Variants in CTNNA3 observed in about 807,000 individuals in gnomAD.
CTNNA3 encodes catenin alpha 3.
A neutral mutation model predicts 95.7 loss-of-function variants in CTNNA3; 76 were observed. The observed-to-expected ratio is 0.79, with a 90% CI of 0.66 to 0.96. The LOEUF is 0.96. Ranked by LOEUF, CTNNA3 falls within the 40% of genes least tolerant of loss-of-function variation. The probability of loss-of-function intolerance (pLI) is 0.00; values close to 1 mark genes in which losing one functional copy is unlikely to be tolerated. For missense variants in CTNNA3, 1,191 were observed against 1,089.8 expected (o/e 1.09, Z -1.31); for synonymous variants, 431 against 374.4 (o/e 1.15, Z -1.74).
chr10:66,482,809 C>T (rs1298694495), intron 11 of CTNNA3, among the ~76,000 whole-genome samples: 1 of 152,122 alleles, frequency 6.6e-6, no homozygotes, highest in East Asian at 1.9e-4. Flanking sequence ...TATAAAAACA[C>T]AGCTCAGTTG....
intron 9 of CTNNA3, among the ~76,000 whole-genome samples, chr10:66,702,218 A>C (rs1384569541): frequency 6.6e-6 from 1 of 152,084 alleles, no homozygotes; most frequent in Non-Finnish European, 1.5e-5. Context: ...GTTGAACATC[A>C]GCAACAACCA....
intron 1 of CTNNA3, among the ~76,000 whole-genome samples, chr10:67,725,892 A>G (rs1190105098): frequency 7.1e-6 from 1 of 141,434 alleles, no homozygotes; most frequent in Non-Finnish European, 1.5e-5. Context: ...TGTCATATAT[A>G]TAATATATAT....
At chr10:66,940,963 T>C (rs1310402492) in intron 7 of CTNNA3, among the ~76,000 whole-genome samples, 2 of 152,158 alleles carry the variant, frequency 1.3e-5, no homozygotes, top group African/African-American at 4.8e-5. Context: ...AAAATGCAAC[T>C]GAGTTTGCTG....
intron 10 of CTNNA3, among the ~76,000 whole-genome samples, chr10:66,590,452 A>G (rs1843511341): frequency 6.6e-6 from 1 of 152,150 alleles, no homozygotes; most frequent in South Asian, 2.1e-4. Context: ...AATTCAGATT[A>G]TCCTACCATT....
intron 7 of CTNNA3, among the ~76,000 whole-genome samples, chr10:66,990,936 ATT>A (rs1564816667): frequency 6.6e-6 from 1 of 152,208 alleles, no homozygotes; most frequent in Non-Finnish European, 1.5e-5. Context: ...ACAAAGCATC[ATT>A]ATTCCTATGA....
chr10:67,097,994 G>C, intron 7 of CTNNA3: 1 of 579,072 alleles, frequency 1.7e-6, no homozygotes. Flanking sequence ...AATTAGCTAA[G>C]TTGTGCAGTA....
chr10:66,500,849 T>C (rs1840255950), intron 11 of CTNNA3, among the ~76,000 whole-genome samples: 1 of 152,268 alleles, frequency 6.6e-6, no homozygotes, highest in South Asian at 2.1e-4. Flanking sequence ...GATTGTAGGG[T>C]AGTTGGTCTG....
At chr10:67,675,777 T>TTA (rs1313694647) in intron 1 of CTNNA3, among the ~76,000 whole-genome samples, 2 of 152,136 alleles carry the variant, frequency 1.3e-5, no homozygotes, top group Non-Finnish European at 2.9e-5. Flanking sequence ...GCAATCCACT[T>TTA]TATATGGATG....
intron 5 of CTNNA3, among the ~76,000 whole-genome samples, chr10:67,449,685 A>G (rs1846893834): frequency 6.6e-6 from 1 of 152,122 alleles, no homozygotes; most frequent in Non-Finnish European, 1.5e-5. Context: ...ACTTAAATGT[A>G]AAATCCAAAA....
intron 7 of CTNNA3, among the ~76,000 whole-genome samples, chr10:66,932,412 G>C (rs1847454548): frequency 6.6e-6 from 1 of 152,088 alleles, no homozygotes; most frequent in Non-Finnish European, 1.5e-5. Context: ...TTCCAGACAT[G>C]GCAAGTAAGA....
intron 11 of CTNNA3, among the ~76,000 whole-genome samples, chr10:66,481,925 G>C (rs1391994333): frequency 6.6e-6 from 1 of 151,726 alleles, no homozygotes; most frequent in Non-Finnish European, 1.5e-5. Flanking sequence ...ATGTTAGAAA[G>C]ATATGAGGAT....
chr10:67,690,182 G>T (rs987297930), intron 1 of CTNNA3, among the ~76,000 whole-genome samples: 3 of 152,166 alleles, frequency 2.0e-5, no homozygotes, highest in African/African-American at 7.2e-5. Flanking sequence ...CACAGTGAGT[G>T]TTACGGCTCT....
chr10:67,756,585 C>T lies in CTNNA3; in HGVS notation c.-2+6849G>A, dbSNP rs1235433312. Reference sequence around the variant, plus strand: ...AAATGTGCTAAGAAAAAAATGGACACAAAAAGCCACATATTATATAATTCT... The same window carrying T: ...AAATGTGCTAAGAAAAAAATGGACATAAAAAGCCACATATTATATAATTCT... On this transcript the variant is annotated intron_variant, in intron 1 of 17. Transcript: ENST00000684154. Among the ~76,000 whole-genome samples the T allele has an allele frequency of 4.6e-5, 7 of 152,040 alleles. No homozygotes were observed. The South Asian group carries it at 1.5e-3, about 32-fold the overall frequency.
chr10:67,515,261 A>G (rs1197958709), intron 5 of CTNNA3, among the ~76,000 whole-genome samples: 1 of 152,220 alleles, frequency 6.6e-6, no homozygotes, highest in African/African-American at 2.4e-5. Flanking sequence ...AGTGAAAATG[A>G]TCAAATGGCT....
At chr10:67,138,807 C>T (rs1231807132) in intron 7 of CTNNA3, among the ~76,000 whole-genome samples, 1 of 152,136 alleles carries the variant, frequency 6.6e-6, no homozygotes. Context: ...CCACCAGCAT[C>T]CATGCATTTT....
intron 5 of CTNNA3, among the ~76,000 whole-genome samples, chr10:67,294,650 AGTT>A (rs1839965562): frequency 6.6e-6 from 1 of 152,198 alleles, no homozygotes; most frequent in Non-Finnish European, 1.5e-5. Flanking sequence ...CTGAGACAGG[AGTT>A]AAAAAGATTT....
intron 9 of CTNNA3, among the ~76,000 whole-genome samples, chr10:66,760,967 G>A (rs1242852354): frequency 6.6e-6 from 1 of 152,114 alleles, no homozygotes; most frequent in Non-Finnish European, 1.5e-5. Flanking sequence ...GTATGGGTTT[G>A]TTCTTTTTCT....
Position 66,619,409 on chromosome 10 carries a change from T to C in CTNNA3, c.1374+2283A>G, listed in dbSNP as rs542450821. 7.3e-3 allele frequency among the ~76,000 whole-genome samples: 940 copies of C among 129,562 alleles called. 49 individuals are homozygous for C. Among genetic ancestry groups the C allele is most frequent in the African/African-American group, 0.023 (896 of 38,200 alleles). The allele number at this position is 129,562 out of a possible 152,430, so 85.0% of individuals were successfully genotyped here. The stretch of plus-strand genomic sequence containing the variant: ...AAAAATGATGAGTTCATGTCCTTTG[T>C]AGGGACGTGGATGAAGCTGGAAACC... On this transcript the variant is annotated intron_variant, in intron 10 of 17. Transcript: ENST00000433211.
intron 11 of CTNNA3, among the ~76,000 whole-genome samples, chr10:66,405,504 G>A (rs1376577152): frequency 1.3e-5 from 2 of 152,046 alleles, no homozygotes; most frequent in African/African-American, 4.8e-5. Flanking sequence ...TCAAAATGAG[G>A]TACACTGACC....
Sources: gnomAD v4.1 joint callset for allele counts (sites outside exome capture counted in the v4.1 genomes callset) on GRCh38, gnomAD v4.1.1 for gene constraint, MANE v1.5 for transcripts, NCBI Gene and HGNC (gene_info 2026-07-23, HGNC 2026-07-21) for gene names.